Variants in FRYL observed in about 807,000 individuals in gnomAD.
FRYL encodes the protein protein furry homolog-like.
A neutral mutation model predicts 351.2 loss-of-function variants in FRYL; 150 were observed. The observed-to-expected ratio is 0.43, with a 90% CI of 0.37 to 0.49. The LOEUF (loss-of-function observed/expected upper bound fraction) is 0.49, where lower values mean the gene tolerates loss of function less well. Ranked by LOEUF, FRYL falls within the 20% of genes least tolerant of loss-of-function variation. The pLI is 0.00. For missense variants in FRYL, 3,036 were observed against 3,619.3 expected (o/e 0.84, Z 4.13); for synonymous variants, 1,153 against 1,257.1 (o/e 0.92, Z 1.75).
intron 11 of FRYL, among the ~76,000 whole-genome samples, chr4:48,603,958 C>T (rs1373595003): frequency 2.6e-5 from 4 of 152,278 alleles, no homozygotes; most frequent in East Asian, 1.9e-4. Context: ...CCAACTCTTT[C>T]GATGTGGTGG....
At chr4:48,644,363 T>A (rs1381879949) in intron 3 of FRYL, among the ~76,000 whole-genome samples, 6 of 152,106 alleles carry the variant, frequency 3.9e-5, no homozygotes, top group Non-Finnish European at 4.4e-5. Context: ...ATACAAAGAA[T>A]ATTATTTGAA....
At chr4:48,642,378 A>G (rs1039189357) in intron 3 of FRYL, among the ~76,000 whole-genome samples, 9 of 152,280 alleles carry the variant, frequency 5.9e-5, no homozygotes, top group African/African-American at 2.2e-4. Flanking sequence ...AAAAAAATGT[A>G]TACTTTCCTT....
intron 56 of FRYL, 107 bp downstream of exon 56, chr4:48,514,921 C>A: frequency 3.1e-6 from 3 of 964,216 alleles, no homozygotes. Flanking sequence ...CAGACTGAAA[C>A]ACACAAAGAA....
chr4:48,744,009 TTC>T (rs1772403879), intron 1 of FRYL, among the ~76,000 whole-genome samples: 1 of 152,178 alleles, frequency 6.6e-6, no homozygotes, highest in South Asian at 2.1e-4. Flanking sequence ...ACATTTTTGG[TTC>T]TGTTTCTCTG....
intron 2 of FRYL, among the ~76,000 whole-genome samples, chr4:48,709,518 A>G (rs1767775879): frequency 6.6e-6 from 1 of 152,154 alleles, no homozygotes; most frequent in Admixed American, 6.5e-5. Flanking sequence ...TGGAGATCTT[A>G]TTCTTGCCCC....
intron 2 of FRYL, among the ~76,000 whole-genome samples, chr4:48,708,915 T>TTTGTTTG (rs1553866671): frequency 2.2e-5 from 3 of 138,920 alleles, no homozygotes; most frequent in Non-Finnish European, 3.1e-5. Context: ...CGTGTGTTTT[T>TTTGTTTG]TTTTTTGTTT....
chr4:48,546,789 T>G (rs1177825699), intron 41 of FRYL: 1 of 153,232 alleles, frequency 6.5e-6, no homozygotes, highest in Non-Finnish European at 1.5e-5. Flanking sequence ...AAACAAGCTA[T>G]GGAATTTTGA....
intron 1 of FRYL, among the ~76,000 whole-genome samples, chr4:48,758,148 G>C (rs1475378812): frequency 1.3e-5 from 2 of 152,104 alleles, no homozygotes; most frequent in Non-Finnish European, 2.9e-5. Context: ...GAAAACCTAG[G>C]CAATACCATT....
chr4:48,596,497 G>C (rs1000889595), intron 13 of FRYL, among the ~76,000 whole-genome samples: 5 of 152,068 alleles, frequency 3.3e-5, no homozygotes, highest in African/African-American at 1.2e-4. Context: ...TAAGAGCGTG[G>C]ACTCTAAAAC....
At chr4:48,696,173 C>T (rs1360140933) in intron 2 of FRYL, among the ~76,000 whole-genome samples, 1 of 152,164 alleles carries the variant, frequency 6.6e-6, no homozygotes, top group African/African-American at 2.4e-5. Flanking sequence ...AATCCCATTA[C>T]TGGGTATGTA....
At chr4:48,767,447 C>CA (rs1402952310) in intron 1 of FRYL, among the ~76,000 whole-genome samples, 3 of 152,178 alleles carry the variant, frequency 2.0e-5, no homozygotes, top group Non-Finnish European at 2.9e-5. Flanking sequence ...CAAACCATAT[C>CA]ATGCACATAC....
chr4:48,623,438 T>TGTG (rs1193108987), intron 4 of FRYL, among the ~76,000 whole-genome samples: 3 of 152,216 alleles, frequency 2.0e-5, no homozygotes, highest in Non-Finnish European at 4.4e-5. Flanking sequence ...CATCTCCTTT[T>TGTG]GTAACAAGTT....
chr4:48,738,069 A>C (rs1771638876), intron 1 of FRYL, among the ~76,000 whole-genome samples: 1 of 152,036 alleles, frequency 6.6e-6, no homozygotes, highest in Non-Finnish European at 1.5e-5. Flanking sequence ...TCCCCTCAAT[A>C]CTCCTTTTCA....
At chr4:48,591,723 A>G (rs1743279422) in intron 16 of FRYL, among the ~76,000 whole-genome samples, 1 of 152,040 alleles carries the variant, frequency 6.6e-6, no homozygotes, top group Non-Finnish European at 1.5e-5. Context: ...ATTACCTCCC[A>G]AAACAACTGC....
chr4:48,505,392 T>A (rs1577829125), intron 60 of FRYL, 155 bp downstream of exon 60: 2 of 656,574 alleles, frequency 3.0e-6, no homozygotes, highest in Non-Finnish European at 5.5e-6. Context: ...CAGTATTTCA[T>A]TGAGCTTTTA....
At chr4:48,746,875 C>T (rs1772737607) in intron 1 of FRYL, among the ~76,000 whole-genome samples, 1 of 152,156 alleles carries the variant, frequency 6.6e-6, no homozygotes, top group African/African-American at 2.4e-5. Context: ...GAATGAAGAC[C>T]CCAGCCCAAG....
intron 53 of FRYL, among the ~76,000 whole-genome samples, chr4:48,526,129 G>A (rs1346554839): frequency 6.6e-6 from 1 of 152,122 alleles, no homozygotes; most frequent in African/African-American, 2.4e-5. Context: ...ATGTGTATGA[G>A]CTGTATATGA....
At chr4:48,581,186 G>GC (rs1560651118) in intron 21 of FRYL, among the ~76,000 whole-genome samples, 1 of 151,652 alleles carries the variant, frequency 6.6e-6, no homozygotes, top group African/African-American at 2.4e-5. Flanking sequence ...GACTACAGGC[G>GC]CCCGCCACCA....
chr4:48,772,259 T>C (rs1427172703), intron 1 of FRYL, among the ~76,000 whole-genome samples: 1 of 152,224 alleles, frequency 6.6e-6, no homozygotes, highest in Non-Finnish European at 1.5e-5. Context: ...TTTTTAAGAT[T>C]ATTTTGAACC....
Sources: gnomAD v4.1 joint callset for allele counts (sites outside exome capture counted in the v4.1 genomes callset) on GRCh38, gnomAD v4.1.1 for gene constraint, MANE v1.5 for transcripts, NCBI Gene and HGNC (gene_info 2026-07-23, HGNC 2026-07-21) for gene names.